Variants in MTIF2 observed in about 807,000 individuals in gnomAD.
The protein encoded by MTIF2 is translation initiation factor IF-2, mitochondrial.
A neutral mutation model predicts 83.5 loss-of-function variants in MTIF2; 71 were observed. The observed-to-expected ratio is 0.85, with a 90% CI of 0.70 to 1.04. The LOEUF (loss-of-function observed/expected upper bound fraction) is 1.04. MTIF2 is among the 50% of genes least tolerant of loss of function. MTIF2 has a pLI of 0.00. For synonymous variants in MTIF2, 319 were observed against 287.1 expected, an observed-to-expected ratio of 1.11 and a Z score of -1.12; for missense variants, 957 against 846.5, an observed-to-expected ratio of 1.13 and a Z score of -1.62.
At chr2:55,262,204 T>C in intron 5 of MTIF2, 112 bp downstream of exon 5, 1 of 758,594 alleles carries the variant, frequency 1.3e-6, no homozygotes, top group Non-Finnish European at 2.3e-6. Flanking sequence ...CTTAATATAT[T>C]TTTTAAGTGC....
intron 5 of MTIF2, among the ~76,000 whole-genome samples, chr2:55,256,835 A>G (rs902803655): frequency 2.0e-5 from 3 of 151,674 alleles, no homozygotes; most frequent in Non-Finnish European, 2.9e-5. Context: ...GGCCTCCGTT[A>G]TAGCTGGGAC....
intron 3 of MTIF2, 51 bp downstream of exon 3, chr2:55,267,518 G>T: frequency 6.1e-6 from 1 of 163,096 alleles, no homozygotes. Flanking sequence ...GTACAGTATA[G>T]CAAAGAAAGT....
At chr2:55,255,140 T>G (rs1166635665) in intron 5 of MTIF2, among the ~76,000 whole-genome samples, 1 of 151,612 alleles carries the variant, frequency 6.6e-6, no homozygotes, top group Non-Finnish European at 1.5e-5. Context: ...TCTATTTCTC[T>G]AAAAATTTAA....
At chr2:55,252,381 A>G in intron 8 of MTIF2, 96 bp downstream of exon 8, 1 of 1,037,338 alleles carries the variant, frequency 9.6e-7, no homozygotes, top group Non-Finnish European at 1.4e-6. Flanking sequence ...ACGTATAATA[A>G]CTCTGGGATT....
Position 55,252,512 on chromosome 2 carries a change from G to GT in MTIF2, c.805dup (p.Thr269AsnfsTer21). The GT allele has an allele frequency of 6.2e-7, 1 of 1,614,164 alleles. No individual in the cohort carries two copies. Among genetic ancestry groups the GT allele is most frequent in the Non-Finnish European group, 8.5e-7 (1 of 1,180,016 alleles). On this transcript the variant is annotated frameshift_variant, in exon 8 of 16. Transcript: ENST00000263629. LOFTEE classifies it high-confidence loss of function. ...TTTGGCATGCTGAATAGATTCTACAGTTTGTTTCATCACTCCATCATCTGC... is the reference window on the plus strand; with the variant it reads ...TTTGGCATGCTGAATAGATTCTACAGTTTTGTTTCATCACTCCATCATCTGC...
At chr2:55,236,861 A>C (rs184535854) in intron 15 of MTIF2, 41 bp from the exon 16 acceptor site, 1 of 1,421,744 alleles carries the variant, frequency 7.0e-7, no homozygotes, top group Non-Finnish European at 9.4e-7. Flanking sequence ...TCAATAAATG[A>C]TAAGTACCTA....
Position 55,237,227 on chromosome 2 carries a change from AT to A in MTIF2, c.2011+60del. ...AAAGATGAACAGATTTCAGATGGTTATATAGTCAACAGGTCTTGGTGACTGG... is the reference window on the plus strand; with the variant it reads ...AAAGATGAACAGATTTCAGATGGTTAATAGTCAACAGGTCTTGGTGACTGG... On this transcript the variant is annotated intron_variant, in intron 15 of 15. Coordinates refer to ENST00000263629, the MANE Select transcript of MTIF2 (RefSeq NM_002453.3). 3.3e-6 allele frequency: 5 copies of A among 1,525,848 alleles called. No individual in the cohort carries two copies. In the East Asian group the frequency reaches 1.1e-4, roughly 35 times the overall value. The allele number at this position is 1,525,848 out of a possible 1,614,324, so 94.5% of individuals were successfully genotyped here. A position where few individuals can be genotyped will look rare whatever the true frequency, so the allele number is the denominator to read the frequency against.
At chr2:55,260,710 T>C (rs986371518) in intron 5 of MTIF2, among the ~76,000 whole-genome samples, 1 of 152,126 alleles carries the variant, frequency 6.6e-6, no homozygotes, top group South Asian at 2.1e-4. Context: ...AGCCTGTAAA[T>C]AAGGATACCT....
At chr2:55,256,222 T>C (rs1369615247) in intron 5 of MTIF2, among the ~76,000 whole-genome samples, 1 of 152,010 alleles carries the variant, frequency 6.6e-6, no homozygotes, top group Non-Finnish European at 1.5e-5. Flanking sequence ...TAGGTGAATT[T>C]TCAAATACAG....
At chr2:55,258,717 CAGG>C (rs750626567) in intron 5 of MTIF2, among the ~76,000 whole-genome samples, 73 of 149,160 alleles carry the variant, frequency 4.9e-4, no homozygotes, top group South Asian at 2.7e-3. Context: ...GAGGCTGAGG[CAGG>C]AGAATTGCTT....
Position 55,269,220 on chromosome 2 carries a change from A to C in MTIF2, c.-288T>G, listed in dbSNP as rs1678657862. 6.6e-6 allele frequency: 1 copy of C among 152,216 alleles called. No individual in the cohort carries two copies. Among genetic ancestry groups the C allele is most frequent in the Non-Finnish European group, 1.5e-5 (1 of 68,090 alleles). The allele number at this position is 152,216 out of a possible 1,614,324, so 9.4% of individuals were successfully genotyped here. On this transcript the variant is annotated 5_prime_UTR_variant, in exon 1 of 16. Coordinates refer to ENST00000263629, the MANE Select transcript of MTIF2 (RefSeq NM_002453.3). Reference sequence around the variant, plus strand: ...AGCACGGGCGGAGATCACCTTCTGGACCCGGAAGAATGGTCGGTAGGTCAG... The same window carrying C: ...AGCACGGGCGGAGATCACCTTCTGGCCCCGGAAGAATGGTCGGTAGGTCAG...
intron 1 of MTIF2, 111 bp from the exon 2 acceptor site, chr2:55,268,850 T>C (rs1678626054): frequency 6.6e-6 from 1 of 152,100 alleles, no homozygotes; most frequent in Non-Finnish European, 1.5e-5. Context: ...GCAGAAAAAT[T>C]ACGGATCTGG....
At chr2:55,261,025 C>T (rs965148167) in intron 5 of MTIF2, among the ~76,000 whole-genome samples, 1 of 151,278 alleles carries the variant, frequency 6.6e-6, no homozygotes, top group Non-Finnish European at 1.5e-5. Context: ...CTCGCTCTGT[C>T]GTCCAGGGTA....
intron 8 of MTIF2, among the ~76,000 whole-genome samples, chr2:55,250,728 T>C (rs779671435): frequency 1.3e-5 from 2 of 152,192 alleles, no homozygotes; most frequent in African/African-American, 4.8e-5. Context: ...AATTCTGTGG[T>C]TGCATTTCAT....
chr2:55,265,779 CA>C (rs1399501056), intron 3 of MTIF2, among the ~76,000 whole-genome samples: 14 of 152,144 alleles, frequency 9.2e-5, no homozygotes, highest in African/African-American at 3.4e-4. Flanking sequence ...TATCATTAAA[CA>C]TTACTAATCA....
chr2:55,258,753 A>T (rs1426317697), intron 5 of MTIF2, among the ~76,000 whole-genome samples: 1 of 149,082 alleles, frequency 6.7e-6, no homozygotes, highest in Non-Finnish European at 1.5e-5. Flanking sequence ...CAGATGTTGC[A>T]GTGAGCTGAG....
At chr2:55,241,920 G>T (rs1479995105) in intron 13 of MTIF2, among the ~76,000 whole-genome samples, 3 of 152,050 alleles carry the variant, frequency 2.0e-5, no homozygotes, top group Admixed American at 6.6e-5. Context: ...GGCCAAAACA[G>T]GTAGACCACC....
At chr2:55,262,848 C>A (rs539455595) in intron 4 of MTIF2, among the ~76,000 whole-genome samples, 1 of 152,316 alleles carries the variant, frequency 6.6e-6, no homozygotes, top group African/African-American at 2.4e-5. Flanking sequence ...CCTGCCTCAG[C>A]CTCCTGAGTA....
Position 55,254,832 on chromosome 2 carries a change from G to T in MTIF2, c.332-7C>A. 1 of 1,517,076 alleles carries T rather than the reference G, an allele frequency of 6.6e-7. No individual in the cohort carries two copies. Among genetic ancestry groups the T allele is most frequent in the Non-Finnish European group, 8.8e-7 (1 of 1,133,602 alleles). The allele number at this position is 1,517,076 out of a possible 1,614,324, so 94.0% of individuals were successfully genotyped here. On this transcript the variant is annotated splice_polypyrimidine_tract_variant and splice_region_variant and intron_variant, in intron 5 of 15. Transcript: ENST00000263629. ...AAAGCTTCATATACATAATCTGATT[G>T]GAATAAAATAAAACCTTTTAGGATC...
Sources: allele counts gnomAD v4.1 joint callset (sites outside exome capture counted in the v4.1 genomes callset), GRCh38; gene constraint gnomAD v4.1.1; transcripts MANE v1.5; gene names NCBI Gene and HGNC (gene_info 2026-07-23, HGNC 2026-07-21).